Variants in PRUNE2 observed in about 807,000 individuals in gnomAD.
PRUNE2 encodes protein prune homolog 2.
In PRUNE2, 164 loss-of-function variants were observed where a neutral mutation model predicts 252.0. The observed-to-expected ratio is 0.65, with a 90% confidence interval of 0.57 to 0.74. The LOEUF (loss-of-function observed/expected upper bound fraction) is 0.74. Ranked by LOEUF, PRUNE2 falls within the 30% of genes least tolerant of loss-of-function variation. The pLI is 0.00. For missense variants in PRUNE2, 3,495 were observed against 3,711.0 expected (o/e 0.94, Z 1.51); for synonymous variants, 1,292 against 1,350.2 (o/e 0.96, Z 0.94).
intron 6 of PRUNE2, among the ~76,000 whole-genome samples, chr9:76,768,579 ATGTATGTGTGTGTGTG>A (rs1356419798): frequency 3.1e-4 from 31 of 100,610 alleles, no homozygotes; most frequent in Non-Finnish European, 5.0e-4. Context: ...ATATATGTAT[ATGTATGTGTGTGTGTG>A]TGTGTGTGTG....
At chr9:76,890,347 T>C (rs143330755) in intron 1 of PRUNE2, among the ~76,000 whole-genome samples, 1 of 152,262 alleles carries the variant, frequency 6.6e-6, no homozygotes, top group East Asian at 1.9e-4. Context: ...TGTAAAGATA[T>C]TTTGAGGAAA....
chr9:76,640,469 G>A (rs2132739831), intron 12 of PRUNE2, among the ~76,000 whole-genome samples: 1 of 152,302 alleles, frequency 6.6e-6, no homozygotes, highest in South Asian at 2.1e-4. Flanking sequence ...GTTGTATACA[G>A]TATTTATACT....
At chr9:76,674,131 G>A (rs372435721) in intron 9 of PRUNE2, among the ~76,000 whole-genome samples, 4 of 151,632 alleles carry the variant, frequency 2.6e-5, no homozygotes, top group Non-Finnish European at 4.4e-5. Flanking sequence ...GTTTGCAGAC[G>A]ACATGATTGT....
chr9:76,809,302 A>G (rs2131699818), intron 6 of PRUNE2, among the ~76,000 whole-genome samples: 1 of 152,366 alleles, frequency 6.6e-6, no homozygotes, highest in East Asian at 1.9e-4. Context: ...TTTCAGGGAC[A>G]TAATAGCTAC....
At chr9:76,664,783 G>T (rs374429580) in intron 9 of PRUNE2, among the ~76,000 whole-genome samples, 1 of 152,260 alleles carries the variant, frequency 6.6e-6, no homozygotes, top group East Asian at 1.9e-4. Flanking sequence ...AAAGTGCTGG[G>T]ATTACAGGCA....
chr9:76,695,409 T>C (rs2045291817), intron 9 of PRUNE2, among the ~76,000 whole-genome samples: 1 of 152,050 alleles, frequency 6.6e-6, no homozygotes, highest in Non-Finnish European at 1.5e-5. Context: ...AGAAGGAAAA[T>C]TGAACAGACA....
At chr9:76,788,594 A>T (rs996092581) in intron 6 of PRUNE2, 2 of 698,766 alleles carry the variant, frequency 2.9e-6, no homozygotes, top group Non-Finnish European at 5.3e-6. Context: ...ATAAATGCAC[A>T]AAGAGCACTT....
At chr9:76,671,876 C>G (rs1360506676) in intron 9 of PRUNE2, among the ~76,000 whole-genome samples, 1 of 151,922 alleles carries the variant, frequency 6.6e-6, no homozygotes, top group Admixed American at 6.6e-5. Context: ...ACCACCAGGC[C>G]TGCCTTACAA....
At chr9:76,904,719 C>T (rs2063380220) in intron 1 of PRUNE2, among the ~76,000 whole-genome samples, 1 of 152,234 alleles carries the variant, frequency 6.6e-6, no homozygotes, top group Non-Finnish European at 1.5e-5. Flanking sequence ...AAACGTTCAA[C>T]TCTCTGGGAG....
At chr9:76,770,303 T>C (rs963258342) in intron 6 of PRUNE2, among the ~76,000 whole-genome samples, 2 of 152,216 alleles carry the variant, frequency 1.3e-5, no homozygotes, top group Non-Finnish European at 2.9e-5. Context: ...TAAGTTTCTC[T>C]GGACTTTGAA....
intron 6 of PRUNE2, among the ~76,000 whole-genome samples, chr9:76,802,694 C>T (rs138322220): frequency 2.2e-4 from 34 of 152,050 alleles, no homozygotes; most frequent in East Asian, 7.7e-4. Flanking sequence ...ATCAAAAGTT[C>T]GAACTTACAA....
intron 9 of PRUNE2, among the ~76,000 whole-genome samples, chr9:76,691,436 T>C (rs1056149960): frequency 5.3e-5 from 8 of 152,350 alleles, no homozygotes; most frequent in Admixed American, 3.3e-4. Context: ...TCACATAACT[T>C]AGTTTCTCAG....
In PRUNE2 at chr9:76,906,088, T is replaced by A; in HGVS notation, c.-125A>T. 9.6e-7 allele frequency: 1 copy of A among 1,045,758 alleles called. No homozygotes were observed. The highest frequency in any genetic ancestry group is 1.3e-5 in the South Asian group (1 of 77,460). The allele number at this position is 1,045,758 out of a possible 1,614,324, so 64.8% of individuals were successfully genotyped here. On this transcript the variant is annotated 5_prime_UTR_variant, in exon 1 of 19. Transcript: ENST00000376718. ...GGCGCAGCGACCGACTGCTCCCTCC[T>A]GCCGCTCTGAGGCGGCTGCGGCGGA... is the stretch of plus-strand genomic sequence containing the variant.
chr9:76,801,226 T>C (rs2056527929), intron 6 of PRUNE2, among the ~76,000 whole-genome samples: 1 of 152,202 alleles, frequency 6.6e-6, no homozygotes, highest in South Asian at 2.1e-4. Context: ...AAAGAAAATA[T>C]TCACTGCATG....
Position 76,706,898 on chromosome 9 carries a change from T to G in PRUNE2, c.5376A>C (p.Thr1792=), listed in dbSNP as rs939756675. 2 of 1,599,840 alleles carry G rather than the reference T, an allele frequency of 1.3e-6. No homozygotes were observed. Among genetic ancestry groups the G allele is most frequent in the African/African-American group, 1.3e-5 (1 of 74,380 alleles). Residue 1792 remains threonine, a synonymous_variant, in exon 8 of 19, where the codon ACA becomes ACC. Transcript: ENST00000376718. Reference sequence around the variant, plus strand: ...GCCATGCAACATCTCCTGTTGTCCCTGTTTCTGGAGAAGATCTCTTCTCCT... The same window carrying G: ...GCCATGCAACATCTCCTGTTGTCCCGGTTTCTGGAGAAGATCTCTTCTCCT... The part of the protein sequence containing the change: ...VEKEKRSSPE[T]GTTGDVAWQI...
chr9:76,753,920 A>G (rs1444427442), intron 6 of PRUNE2, among the ~76,000 whole-genome samples: 12 of 45,314 alleles, frequency 2.6e-4, no homozygotes, highest in South Asian at 1.2e-3. Flanking sequence ...TCTGTCTCAG[A>G]AAAAAAAAAA....
intron 6 of PRUNE2, among the ~76,000 whole-genome samples, chr9:76,748,426 C>A (rs1003834086): frequency 6.6e-6 from 1 of 152,080 alleles, no homozygotes; most frequent in Non-Finnish European, 1.5e-5. Flanking sequence ...AGAGGAGAGG[C>A]ACCAAATTCT....
At chr9:76,870,660 T>C (rs2061141386) in intron 1 of PRUNE2, among the ~76,000 whole-genome samples, 2 of 145,014 alleles carry the variant, frequency 1.4e-5, no homozygotes, top group South Asian at 2.2e-4. Flanking sequence ...CACTCCAGCC[T>C]GGGTGACAGA....
chr9:76,796,331 C>A (rs182247658), intron 6 of PRUNE2, among the ~76,000 whole-genome samples: 43 of 152,300 alleles, frequency 2.8e-4, no homozygotes, highest in Middle Eastern at 3.4e-3. Flanking sequence ...TCGCTACGAT[C>A]ATTACCCCAG....
Sources: allele counts gnomAD v4.1 joint callset (sites outside exome capture counted in the v4.1 genomes callset), GRCh38; gene constraint gnomAD v4.1.1; transcripts MANE v1.5; gene names NCBI Gene and HGNC (gene_info 2026-07-23, HGNC 2026-07-21).